EN2: variants seen among roughly 807,000 people sequenced by gnomAD.
EN2 encodes engrailed homeobox 2, also known as homeobox protein engrailed-2.
EN2 carries 7 observed loss-of-function variants against 25.0 expected under a neutral mutation model. That is an observed-to-expected ratio of 0.28 (90% CI 0.16 to 0.53). The LOEUF (loss-of-function observed/expected upper bound fraction) is 0.53, where lower values mean the gene tolerates loss of function less well. EN2 is among the 20% of genes least tolerant of loss of function. The pLI is 0.96. For synonymous variants in EN2, 277 were observed against 243.3 expected (o/e 1.14, Z -1.29); for missense variants, 524 against 501.8 (o/e 1.04, Z -0.42).
In EN2 at chr7:155,462,508, C is replaced by A; in HGVS notation, c.823C>A (p.Gln275Lys). ...TNRYLTEQRRQSLAQELSLNE... is the reference protein window; with the variant it reads ...TNRYLTEQRRKSLAQELSLNE... ...CAGGTACCTGACGGAGCAGCGGCGC[C>A]AGAGCCTGGCGCAGGAGCTGAGCCT... The change falls in exon 2 of 2, where the codon CAG becomes AAG. Residue 275 changes from glutamine to lysine, a missense_variant. Coordinates refer to ENST00000297375, the MANE Select transcript of EN2 (RefSeq NM_001427.4). 4 of 1,614,196 alleles carry A rather than the reference C, an allele frequency of 2.5e-6. No homozygotes were observed. Among genetic ancestry groups the A allele is most frequent in the Non-Finnish European group, 3.4e-6 (4 of 1,180,048 alleles).
In EN2 at chr7:155,462,405, G is replaced by A. The variant is rs145749730; in HGVS notation, c.720G>A (p.Pro240=). 4,153 of 1,612,762 alleles carry A rather than the reference G, an allele frequency of 2.6e-3. 8 individuals are homozygous for A. The highest frequency in any genetic ancestry group is 4.5e-3 in the Middle Eastern group (27 of 6,058). Residue 240 remains proline, a synonymous_variant, in exon 2 of 2, where the codon CCG becomes CCA. Transcript: ENST00000297375. ...CTCGAAAACCAAAGAAGAAGAACCC[G>A]AACAAAGAGGACAAGCGGCCGCGCA... The part of the protein sequence containing the change: ...PRSRKPKKKN[P]NKEDKRPRTA...
Position 155,458,565 on chromosome 7 carries a change from C to A in EN2, c.188C>A (p.Pro63Gln), listed in dbSNP as rs756727513. The change falls in exon 1 of 2, where the codon CCG (proline) becomes CAG (glutamine). Residue 63 changes from proline (P) to glutamine (Q), a missense_variant. Transcript: ENST00000297375. ...CAGGCGCCCGGCAACCACCAGCACC[C>A]GCACCGCATCACCAACTTCTTCATC... ...VLQAPGNHQH[P>Q]HRITNFFIDN... 1.4e-6 allele frequency: 2 copies of A among 1,465,968 alleles called. No homozygotes were observed. The highest frequency in any genetic ancestry group is 9.0e-7 in the Non-Finnish European group (1 of 1,105,958). 90.8% of individuals were successfully genotyped at this position (1,465,968 alleles called of 1,614,324 possible). A position where few individuals can be genotyped will look rare whatever the true frequency, so the allele number is the denominator to read the frequency against.
chr7:155,459,184 C>G, intron 1 of EN2, 122 bp downstream of exon 1: 1 of 1,095,856 alleles, frequency 9.1e-7, no homozygotes. Context: ...CGCACACGCA[C>G]AAAGACTCAC....
chr7:155,459,053 C>A lies in EN2; in HGVS notation c.676C>A (p.Pro226Thr). Reference sequence around the variant, plus strand: ...CTACTGTACGCGCTACTCGGACCGGCCTTCTTCAGGTGAGCCCGCGGGGAC... The same window carrying A: ...CTACTGTACGCGCTACTCGGACCGGACTTCTTCAGGTGAGCCCGCGGGGAC... ...WVYCTRYSDRPSSGPRSRKPK... is the reference protein window; with the variant it reads ...WVYCTRYSDRTSSGPRSRKPK... The change falls in exon 1 of 2, where the codon CCT becomes ACT. Residue 226 changes from proline (P) to threonine (T), a missense_variant. Pro to Thr is a conservative substitution (Grantham distance 38). Coordinates refer to ENST00000297375, the MANE Select transcript of EN2 (RefSeq NM_001427.4). 1 of 1,578,322 alleles carries A rather than the reference C, an allele frequency of 6.3e-7. No individual in the cohort carries two copies. Among genetic ancestry groups the A allele is most frequent in the Non-Finnish European group, 8.5e-7 (1 of 1,171,208 alleles).
chr7:155,462,808 A>G lies in EN2; in HGVS notation c.*121A>G. ...ATAGTGAAAATATTGTGTATTAGCTAAGGTTCTGAAATATTCTATGTATAT... is the reference window on the plus strand; with the variant it reads ...ATAGTGAAAATATTGTGTATTAGCTGAGGTTCTGAAATATTCTATGTATAT... On this transcript the variant is annotated 3_prime_UTR_variant, in exon 2 of 2. Coordinates refer to ENST00000297375, the MANE Select transcript of EN2 (RefSeq NM_001427.4). 6.7e-6 allele frequency: 8 copies of G among 1,192,608 alleles called. No homozygotes were observed. Among genetic ancestry groups the G allele is most frequent in the Non-Finnish European group, 9.1e-6 (8 of 879,472 alleles). 73.9% of individuals were successfully genotyped at this position (1,192,608 alleles called of 1,614,324 possible).
At position 155,458,855 on chromosome 7, in the gene EN2, A is replaced by T; in HGVS notation, c.478A>T (p.Thr160Ser). The T allele has an allele frequency of 6.7e-7, 1 of 1,485,766 alleles. No homozygotes were observed. The highest frequency in any genetic ancestry group is 8.9e-7 in the Non-Finnish European group (1 of 1,126,598). The allele number at this position is 1,485,766 out of a possible 1,614,324, so 92.0% of individuals were successfully genotyped here. The change falls in exon 1 of 2, where the codon ACG becomes TCG. Residue 160 changes from threonine (T) to serine (S), a missense_variant. Transcript: ENST00000297375. Reference protein sequence around the residue: ...SPGDGEGGSKTLSLHGGAKKG... With the variant: ...SPGDGEGGSKSLSLHGGAKKG... ...GGGTGACGGGGAAGGCGGCTCCAAG[A>T]CGCTCTCGCTGCACGGTGGCGCCAA...
rs936836648 is a variant in EN2, at chr7:155,463,409, T to A, written c.*722T>A. 1 of 152,546 alleles carries A rather than the reference T, an allele frequency of 6.6e-6. No individual in the cohort carries two copies. Among genetic ancestry groups the A allele is most frequent in the Non-Finnish European group, 1.5e-5 (1 of 68,424 alleles). 9.4% of individuals were successfully genotyped at this position (152,546 alleles called of 1,614,324 possible). Reference sequence around the variant, plus strand: ...CTCCTGCACCTAACTCCCTCCTCCTTCTCCTTTTTCCTCCTCTTCCTCCTT... The same window carrying A: ...CTCCTGCACCTAACTCCCTCCTCCTACTCCTTTTTCCTCCTCTTCCTCCTT... On this transcript the variant is annotated 3_prime_UTR_variant, in exon 2 of 2. Transcript: ENST00000297375.
chr7:155,462,343 C>T (rs759430637), intron 1 of EN2, 28 bp from the exon 2 acceptor site: 3 of 1,579,070 alleles, frequency 1.9e-6, no homozygotes, highest in South Asian at 1.2e-5. Flanking sequence ...GGTAACCTGA[C>T]TTCTCTCTGT....
chr7:155,461,318 C>A (rs1795693017), intron 1 of EN2, among the ~76,000 whole-genome samples: 2 of 152,236 alleles, frequency 1.3e-5, no homozygotes, highest in Admixed American at 1.3e-4. Flanking sequence ...CCCCTTCTTC[C>A]CCCACAGGGA....
In EN2 at chr7:155,462,748, TA is replaced by T; in HGVS notation, c.*64del. ...TAAACAATGCAATAATTTAAAATCA[TA>T]AAGGGCCAGTGTATAAAGATTATAC... On this transcript the variant is annotated 3_prime_UTR_variant, in exon 2 of 2. Transcript: ENST00000297375. The T allele has an allele frequency of 6.8e-7, 1 of 1,477,540 alleles. No individual in the cohort carries two copies. The highest frequency in any genetic ancestry group is 9.1e-7 in the Non-Finnish European group (1 of 1,103,226). The allele number at this position is 1,477,540 out of a possible 1,614,324, so 91.5% of individuals were successfully genotyped here. A position where few individuals can be genotyped will look rare whatever the true frequency, so the allele number is the denominator to read the frequency against.
rs781300184 is a variant in EN2, at chr7:155,458,917, G to C, written c.540G>C (p.Ser180=). 5 of 1,513,184 alleles carry C rather than the reference G, an allele frequency of 3.3e-6. No individual in the cohort carries two copies. The Admixed American group carries it at 8.2e-5, about 25-fold the overall frequency. 93.7% of individuals were successfully genotyped at this position (1,513,184 alleles called of 1,614,324 possible). Reference sequence around the variant, plus strand: ...ACCCCGGCGGCCCCCTGGACGGGTCGCTCAAGGCCCGCGGCTTGGGCGGCG... The same window carrying C: ...ACCCCGGCGGCCCCCTGGACGGGTCCCTCAAGGCCCGCGGCTTGGGCGGCG... ...GGDPGGPLDG[S]LKARGLGGGD... Residue 180 remains serine (S), a synonymous_variant, in exon 1 of 2, where the codon TCG becomes TCC. Transcript: ENST00000297375.
chr7:155,460,706 G>A (rs1585268432), intron 1 of EN2, among the ~76,000 whole-genome samples: 2 of 151,974 alleles, frequency 1.3e-5, no homozygotes, highest in Non-Finnish European at 2.9e-5. Flanking sequence ...CTGGAGCCTT[G>A]TGCCCCATCC....
Position 155,464,632 on chromosome 7 carries a change from T to G in EN2, c.*1945T>G, listed in dbSNP as rs547419446. On this transcript the variant is annotated 3_prime_UTR_variant, in exon 2 of 2. Coordinates refer to ENST00000297375, the MANE Select transcript of EN2 (RefSeq NM_001427.4). Reference sequence around the variant, plus strand: ...GCAAAGTTGGTTTCTGTTTTTTGTTTTCTTTGTTGTTTTAGTTTATAAAAC... The same window carrying G: ...GCAAAGTTGGTTTCTGTTTTTTGTTGTCTTTGTTGTTTTAGTTTATAAAAC... 9 of 152,804 alleles carry G rather than the reference T, an allele frequency of 5.9e-5. No individual in the cohort carries two copies. Among genetic ancestry groups the G allele is most frequent in the Non-Finnish European group, 1.2e-4 (8 of 68,042 alleles). The allele number at this position is 152,804 out of a possible 1,614,324, so 9.5% of individuals were successfully genotyped here. A position where few individuals can be genotyped will look rare whatever the true frequency, so the allele number is the denominator to read the frequency against.
chr7:155,458,139 T>C lies in EN2; in HGVS notation c.-239T>C. On this transcript the variant is annotated 5_prime_UTR_variant, in exon 1 of 2. Coordinates refer to ENST00000297375, the MANE Select transcript of EN2 (RefSeq NM_001427.4). ...CTTGGCTCTGTTGAATCTCTCATCG[T>C]CTGGGCGAGCGGGGCGGCTCGTGGT... 1 of 405,948 alleles carries C rather than the reference T, an allele frequency of 2.5e-6. No individual in the cohort carries two copies. Among genetic ancestry groups the C allele is most frequent in the Admixed American group, 4.6e-5 (1 of 21,768 alleles). 25.1% of individuals were successfully genotyped at this position (405,948 alleles called of 1,614,324 possible). A position where few individuals can be genotyped will look rare whatever the true frequency, so the allele number is the denominator to read the frequency against.
At chr7:155,461,840 C>T (rs1003431538) in intron 1 of EN2, among the ~76,000 whole-genome samples, 11 of 152,214 alleles carry the variant, frequency 7.2e-5, no homozygotes, top group Admixed American at 2.0e-4. Flanking sequence ...CTGGGCCCCT[C>T]CTGTCCTCAG....
intron 1 of EN2, among the ~76,000 whole-genome samples, chr7:155,459,408 A>G (rs1017921840): frequency 1.3e-5 from 2 of 150,008 alleles, no homozygotes; most frequent in African/African-American, 4.9e-5. Context: ...TGTCTCCCCC[A>G]CTGTAGTTTT....
At position 155,462,503 on chromosome 7, in the gene EN2, G is replaced by T; in HGVS notation, c.818G>T (p.Arg273Leu). Residue 273 changes from arginine to leucine, a missense_variant, in exon 2 of 2, where the codon CGG (arginine) becomes CTG (leucine). Arg to Leu is a moderately radical substitution (Grantham distance 102). Transcript: ENST00000297375. ...FQTNRYLTEQ[R>L]RQSLAQELSL... ...ACCAACAGGTACCTGACGGAGCAGC[G>T]GCGCCAGAGCCTGGCGCAGGAGCTG... 1.2e-6 allele frequency: 2 copies of T among 1,614,172 alleles called. No individual in the cohort carries two copies. Among genetic ancestry groups the T allele is most frequent in the Non-Finnish European group, 1.7e-6 (2 of 1,180,046 alleles).
In EN2 at chr7:155,458,664, G is replaced by T; in HGVS notation, c.287G>T (p.Arg96Met). 7.3e-7 allele frequency: 1 copy of T among 1,375,108 alleles called. No individual in the cohort carries two copies. Among genetic ancestry groups the T allele is most frequent in the South Asian group, 1.8e-5 (1 of 56,300 alleles). 85.2% of individuals were successfully genotyped at this position (1,375,108 alleles called of 1,614,324 possible). ...GTCCAGAGGGRGGGAGGEGGA... is the reference protein window; with the variant it reads ...GTCCAGAGGGMGGGAGGEGGA... ...TGCTGTGCGGGCGCGGGAGGAGGAA[G>T]GGGCGGCGGAGCCGGCGGCGAAGGC... Residue 96 changes from arginine to methionine, a missense_variant, in exon 1 of 2, where the codon AGG becomes ATG. By Grantham distance (91) the Arg-to-Met change is moderately conservative. Transcript: ENST00000297375.
At position 155,463,491 on chromosome 7, in the gene EN2, TTCCTCCTCCTCCTTCTCTTTCC is replaced by T. The variant is rs1795722725; in HGVS notation, c.*816_*837del. The T allele has an allele frequency of 6.5e-6, 1 of 152,962 alleles. No homozygotes were observed. Among genetic ancestry groups the T allele is most frequent in the Non-Finnish European group, 1.5e-5 (1 of 68,610 alleles). 9.5% of individuals were successfully genotyped at this position (152,962 alleles called of 1,614,324 possible). On this transcript the variant is annotated 3_prime_UTR_variant, in exon 2 of 2. Transcript: ENST00000297375. The stretch of plus-strand genomic sequence containing the variant: ...TTTTTCTTCTCCTCCTCCTCCTTCC[TTCCTCCTCCTCCTTCTCTTTCC>T]TCCTCCTCCTCACCAAGGGCCCAAC...
Sources: gnomAD v4.1 joint callset for allele counts (sites outside exome capture counted in the v4.1 genomes callset) on GRCh38, gnomAD v4.1.1 for gene constraint, MANE v1.5 for transcripts, NCBI Gene and HGNC (gene_info 2026-07-23, HGNC 2026-07-21) for gene names.